MPPED2: variants seen among roughly 807,000 people sequenced by gnomAD.
The protein encoded by MPPED2 is metallophosphoesterase domain containing 2.
Under a neutral mutation model 33.0 loss-of-function variants are expected in MPPED2, and 5 were observed. The observed-to-expected ratio is 0.15, with a 90% CI of 0.08 to 0.32. MPPED2 has a LOEUF of 0.32. Ranked by LOEUF, MPPED2 falls within the 10% of genes least tolerant of loss-of-function variation. The pLI is 1.00. For synonymous variants in MPPED2, 136 were observed against 141.9 expected (o/e 0.96, Z 0.29); for missense variants, 275 against 372.1 (o/e 0.74, Z 2.15).
At chr11:30,541,570 A>C (rs1355534336) in intron 2 of MPPED2, among the ~76,000 whole-genome samples, 4 of 152,188 alleles carry the variant, frequency 2.6e-5, no homozygotes, top group Non-Finnish European at 5.9e-5. Context: ...TAAAATCCTC[A>C]GGCTGTGCTT....
chr11:30,504,622 AC>A, intron 3 of MPPED2: 1 of 462,586 alleles, frequency 2.2e-6, no homozygotes, highest in Non-Finnish European at 3.8e-6. Context: ...TGACTCAGCT[AC>A]AAAACCACCA....
At chr11:30,581,234 G>C (rs987703078) in intron 1 of MPPED2, among the ~76,000 whole-genome samples, 3 of 152,088 alleles carry the variant, frequency 2.0e-5, no homozygotes, top group African/African-American at 7.2e-5. Context: ...TTCAAGCCCC[G>C]ATGGAGCGGT....
At chr11:30,407,329 A>T (rs1590164980), downstream of MPPED2, among the ~76,000 whole-genome samples, 2 of 152,206 alleles carry the variant, frequency 1.3e-5, no homozygotes, top group East Asian at 3.9e-4. Context: ...AAATAAGCAG[A>T]TCTGTGGGTG....
chr11:30,447,176 A>G (rs1320679291), intron 4 of MPPED2, among the ~76,000 whole-genome samples: 3 of 152,152 alleles, frequency 2.0e-5, no homozygotes, highest in African/African-American at 7.2e-5. Flanking sequence ...TTCAAGTCCT[A>G]TCTGTATGTG....
At chr11:30,426,389 C>T (rs1031008619) in intron 4 of MPPED2, among the ~76,000 whole-genome samples, 2 of 140,354 alleles carry the variant, frequency 1.4e-5, no homozygotes, top group African/African-American at 6.3e-5. Context: ...ATGCAGAATT[C>T]ATTTTTTTTA....
chr11:30,444,115 A>G (rs1276834065), intron 4 of MPPED2, among the ~76,000 whole-genome samples: 1 of 152,236 alleles, frequency 6.6e-6, no homozygotes, highest in Non-Finnish European at 1.5e-5. Flanking sequence ...GCAAATGGCT[A>G]TTCACTGGAA....
chr11:30,578,507 A>T (rs1168774294), intron 2 of MPPED2, among the ~76,000 whole-genome samples: 2 of 152,196 alleles, frequency 1.3e-5, no homozygotes, highest in African/African-American at 2.4e-5. Flanking sequence ...CTTTAAAGTT[A>T]CATGATTTTT....
At chr11:30,439,337 C>A (rs1178072827) in intron 4 of MPPED2, among the ~76,000 whole-genome samples, 1 of 152,106 alleles carries the variant, frequency 6.6e-6, no homozygotes, top group Non-Finnish European at 1.5e-5. Flanking sequence ...TAGTTTTACT[C>A]CACTTAGGAA....
intron 4 of MPPED2, among the ~76,000 whole-genome samples, chr11:30,453,747 T>C (rs1343511496): frequency 6.6e-6 from 1 of 152,214 alleles, no homozygotes; most frequent in Non-Finnish European, 1.5e-5. Flanking sequence ...TGGCTCTGTT[T>C]CCCCACTTGG....
At chr11:30,576,228 G>A (rs1956924045) in intron 2 of MPPED2, among the ~76,000 whole-genome samples, 1 of 152,126 alleles carries the variant, frequency 6.6e-6, no homozygotes, top group African/African-American at 2.4e-5. Context: ...TTCACAGTTG[G>A]TTATACAGCT....
intron 2 of MPPED2, among the ~76,000 whole-genome samples, chr11:30,542,336 A>G (rs1390993101): frequency 1.3e-5 from 2 of 151,932 alleles, no homozygotes; most frequent in East Asian, 3.9e-4. Context: ...AACACGAGCC[A>G]GGTTCGGTGG....
At chr11:30,471,039 T>G (rs994306480) in intron 4 of MPPED2, among the ~76,000 whole-genome samples, 1 of 152,174 alleles carries the variant, frequency 6.6e-6, no homozygotes, top group Non-Finnish European at 1.5e-5. Flanking sequence ...AATTAATGGT[T>G]CATTATCAGA....
intron 4 of MPPED2, among the ~76,000 whole-genome samples, chr11:30,426,675 T>C (rs1224745994): frequency 6.6e-6 from 1 of 152,226 alleles, no homozygotes; most frequent in African/African-American, 2.4e-5. Flanking sequence ...AGCCAGTTCA[T>C]AGGTAGCAGT....
chr11:30,508,379 C>A (rs1365878331), intron 3 of MPPED2, among the ~76,000 whole-genome samples: 3 of 152,102 alleles, frequency 2.0e-5, no homozygotes, highest in Admixed American at 6.6e-5. Context: ...ATGTAAATTT[C>A]TCTCCCTCCT....
rs764896837 is a variant in MPPED2, at chr11:30,495,517, G to A, written c.315C>T (p.Asn105=). ...TCACTATTTTATATTCATATGGCAG[G>A]TTTCCTGAAATAAGAAAAAAGAGCA... ...EVKKFNDWLG[N]LPYEYKIVIA... The change falls in exon 4 of 7, where the codon AAC becomes AAT. Residue 105 remains asparagine (N), a synonymous_variant. Transcript: ENST00000358117. 1 of 1,612,498 alleles carries A rather than the reference G, an allele frequency of 6.2e-7. No homozygotes were observed.
intron 3 of MPPED2, among the ~76,000 whole-genome samples, chr11:30,533,022 C>T (rs1409810821): frequency 2.0e-5 from 3 of 152,222 alleles, no homozygotes; most frequent in African/African-American, 7.2e-5. Context: ...AGCTACTCAA[C>T]TTCCACATGA....
intron 2 of MPPED2, among the ~76,000 whole-genome samples, chr11:30,553,913 T>G (rs887408082): frequency 2.0e-5 from 3 of 152,154 alleles, no homozygotes; most frequent in Non-Finnish European, 2.9e-5. Context: ...GCACTGACAA[T>G]TTATGAGTGT....
At chr11:30,492,930 C>T (rs1952048959) in intron 4 of MPPED2, among the ~76,000 whole-genome samples, 1 of 152,122 alleles carries the variant, frequency 6.6e-6, no homozygotes, top group Admixed American at 6.5e-5. Context: ...TAGTGCCCAT[C>T]TCCTAAAGGT....
chr11:30,544,983 T>C (rs1264154576), intron 2 of MPPED2, among the ~76,000 whole-genome samples: 3 of 152,140 alleles, frequency 2.0e-5, no homozygotes, highest in Non-Finnish European at 4.4e-5. Context: ...AAGAGTGGTG[T>C]GAAAGCACTT....
Sources: gnomAD v4.1 joint callset for allele counts (sites outside exome capture counted in the v4.1 genomes callset) on GRCh38, gnomAD v4.1.1 for gene constraint, MANE v1.5 for transcripts, NCBI Gene and HGNC (gene_info 2026-07-23, HGNC 2026-07-21) for gene names.